Variants in SPPL2A observed in about 807,000 individuals in gnomAD.
The protein encoded by SPPL2A is signal peptide peptidase like 2A, also known as signal peptide peptidase-like 2A.
In SPPL2A, 51 loss-of-function variants were observed where a neutral mutation model predicts 63.8. The observed-to-expected ratio is 0.80, with a 90% CI of 0.64 to 1.01. The LOEUF is 1.01. Ranked by LOEUF, SPPL2A falls within the 50% of genes least tolerant of loss-of-function variation. SPPL2A has a pLI of 0.00. For synonymous variants in SPPL2A, 188 were observed against 205.8 expected, an observed-to-expected ratio of 0.91 and a Z score of 0.74; for missense variants, 553 against 622.7, an observed-to-expected ratio of 0.89 and a Z score of 1.19.
intron 5 of SPPL2A, among the ~76,000 whole-genome samples, chr15:50,740,646 T>G (rs1338903711): frequency 6.6e-6 from 1 of 152,084 alleles, no homozygotes; most frequent in East Asian, 1.9e-4. Flanking sequence ...AGTCTTGCTC[T>G]GTTGCCGAGG....
In SPPL2A at chr15:50,736,659, G is replaced by T; in HGVS notation, c.815C>A (p.Pro272Gln). 1 of 1,579,474 alleles carries T rather than the reference G, an allele frequency of 6.3e-7. No individual in the cohort carries two copies. Among genetic ancestry groups the T allele is most frequent in the Non-Finnish European group, 8.7e-7 (1 of 1,149,824 alleles). The change falls in exon 7 of 15, where the codon CCA (proline) becomes CAA (glutamine). Residue 272 changes from proline to glutamine, a missense_variant. By Grantham distance (76) the Pro-to-Gln change is moderately conservative (BLOSUM62 -1). Coordinates refer to ENST00000261854, the MANE Select transcript of SPPL2A (RefSeq NM_032802.4). ...AGATACGTACGTGCATTGTCCATAT[G>T]GTATCTTATGAATTAGTGCAGCAAG... ...NCLAALIHKI[P>Q]YGQCTIACRG...
intron 1 of SPPL2A, among the ~76,000 whole-genome samples, chr15:50,754,604 T>G (rs547468399): frequency 6.6e-6 from 1 of 152,176 alleles, no homozygotes; most frequent in Non-Finnish European, 1.5e-5. Flanking sequence ...ATAGTCTTAC[T>G]GGGGAGATTA....
intron 1 of SPPL2A, among the ~76,000 whole-genome samples, chr15:50,755,567 G>T (rs1567167273): frequency 7.0e-6 from 1 of 142,470 alleles, no homozygotes; most frequent in Non-Finnish European, 1.5e-5. Flanking sequence ...GCTGCAGGGA[G>T]CCATGACCAT....
At chr15:50,726,412 T>C in intron 10 of SPPL2A, 35 bp from the exon 11 acceptor site, 2 of 1,586,146 alleles carry the variant, frequency 1.3e-6, no homozygotes, top group Non-Finnish European at 8.7e-7. Context: ...TGTCTAATCA[T>C]TTAAAGAGAA....
At chr15:50,708,641 G>C (rs1596372779) in intron 14 of SPPL2A, among the ~76,000 whole-genome samples, 1 of 151,342 alleles carries the variant, frequency 6.6e-6, no homozygotes, top group Non-Finnish European at 1.5e-5. Flanking sequence ...AGGAGGCGGA[G>C]GTTGCAGTGA....
intron 1 of SPPL2A, among the ~76,000 whole-genome samples, chr15:50,760,462 T>A (rs1239447208): frequency 2.6e-5 from 4 of 152,102 alleles, no homozygotes; most frequent in African/African-American, 9.7e-5. Flanking sequence ...GGTTTCATCA[T>A]GTTGGCCAGG....
At position 50,705,703 on chromosome 15, in the gene SPPL2A, T is replaced by C. The variant is rs1011050740; in HGVS notation, c.*2097A>G. On this transcript the variant is annotated 3_prime_UTR_variant, in exon 15 of 15. Coordinates refer to ENST00000261854, the MANE Select transcript of SPPL2A (RefSeq NM_032802.4). ...GAGAGGGACTGACTGTCAATGAAGC[T>C]TCTCTATTTGCAATTTATTCAGCAA... The C allele has an allele frequency of 4.6e-5, 7 of 152,212 alleles. No homozygotes were observed. The highest frequency in any genetic ancestry group is 8.8e-5 in the Non-Finnish European group (6 of 68,040). 9.4% of individuals were successfully genotyped at this position (152,212 alleles called of 1,614,324 possible).
chr15:50,720,925 A>G (rs1281799954), intron 13 of SPPL2A, among the ~76,000 whole-genome samples: 1 of 152,200 alleles, frequency 6.6e-6, no homozygotes, highest in Non-Finnish European at 1.5e-5. Context: ...GAGGCAATGG[A>G]GGAACAGGGA....
intron 14 of SPPL2A, among the ~76,000 whole-genome samples, chr15:50,714,626 C>T (rs1303263274): frequency 4.8e-5 from 6 of 124,622 alleles, no homozygotes; most frequent in Non-Finnish European, 1.0e-4. Flanking sequence ...AGTGAAACTC[C>T]ATCTCAAAAA....
intron 1 of SPPL2A, among the ~76,000 whole-genome samples, chr15:50,752,233 T>A (rs1424968141): frequency 6.6e-6 from 1 of 152,098 alleles, no homozygotes; most frequent in African/African-American, 2.4e-5. Flanking sequence ...ATAATTACGA[T>A]GGTTTGTCTG....
At chr15:50,740,015 A>G (rs2062806174) in intron 5 of SPPL2A, among the ~76,000 whole-genome samples, 187 bp from the exon 6 acceptor site, 1 of 152,138 alleles carries the variant, frequency 6.6e-6, no homozygotes, top group Non-Finnish European at 1.5e-5. Context: ...TAAAAACTGT[A>G]CCCTACAAAG....
intron 14 of SPPL2A, among the ~76,000 whole-genome samples, chr15:50,719,076 G>T (rs1165414034): frequency 6.6e-6 from 1 of 151,418 alleles, no homozygotes; most frequent in Non-Finnish European, 1.5e-5. Context: ...ACATTTAGGG[G>T]GAAAAAAAAG....
intron 8 of SPPL2A, among the ~76,000 whole-genome samples, chr15:50,734,246 G>C (rs184045393): frequency 1.3e-5 from 2 of 152,144 alleles, no homozygotes; most frequent in East Asian, 3.9e-4. Flanking sequence ...ATCAACCTAA[G>C]TGTCCACCAG....
At position 50,749,406 on chromosome 15, in the gene SPPL2A, G is replaced by C. The variant is rs1183792870; in HGVS notation, c.177+230C>G. Reference sequence around the variant, plus strand: ...GGGTTCACACAATTCTCCTGCCTCAGCCTCCTGAGTAGCTGGGACTACAGG... The same window carrying C: ...GGGTTCACACAATTCTCCTGCCTCACCCTCCTGAGTAGCTGGGACTACAGG... On this transcript the variant is annotated intron_variant, in intron 2 of 14. Transcript: ENST00000261854. 1.3e-5 allele frequency among the ~76,000 whole-genome samples: 2 copies of C among 152,090 alleles called. No individual in the cohort carries two copies. The highest frequency in any genetic ancestry group is 2.1e-4 in the South Asian group (1 of 4,838).
At chr15:50,725,791 GA>G (rs945606099) in intron 11 of SPPL2A, 1 of 223,164 alleles carries the variant, frequency 4.5e-6, no homozygotes, top group Admixed American at 5.2e-5. Context: ...CAGTTTAAAG[GA>G]ACTTGAAATA....
At chr15:50,720,154 T>C (rs1596378603) in intron 13 of SPPL2A, 54 bp from the exon 14 acceptor site, 2 of 1,436,374 alleles carry the variant, frequency 1.4e-6, no homozygotes, top group African/African-American at 1.4e-5. Context: ...CAAAGGTGGG[T>C]TTTTTCCTCT....
Position 50,703,522 on chromosome 15 carries a change from C to G in SPPL2A, c.*4278G>C, listed in dbSNP as rs987528127. On this transcript the variant is annotated 3_prime_UTR_variant, in exon 15 of 15. Transcript: ENST00000261854. ...GGGTTACAGGCGAGCCCCACCACACCCAGCTAATTTTTGTATTTTTAGTAG... is the reference window on the plus strand; with the variant it reads ...GGGTTACAGGCGAGCCCCACCACACGCAGCTAATTTTTGTATTTTTAGTAG... The G allele has an allele frequency of 6.6e-6, 1 of 150,928 alleles. No individual in the cohort carries two copies. The highest frequency in any genetic ancestry group is 1.5e-5 in the Non-Finnish European group (1 of 67,850). 9.3% of individuals were successfully genotyped at this position (150,928 alleles called of 1,614,324 possible).
rs541222823 is a variant in SPPL2A, at chr15:50,725,110, C to T, written c.1249+111G>A. On this transcript the variant is annotated intron_variant, in intron 12 of 14. Coordinates refer to ENST00000261854, the MANE Select transcript of SPPL2A (RefSeq NM_032802.4). ...GTTATGACAATCTCAGCTCTAGTGA[C>T]AGCCAGAAATAGTTAATACAGAGTA... 2.0e-5 allele frequency: 15 copies of T among 736,326 alleles called. No individual in the cohort carries two copies. The African/African-American group carries it at 2.4e-4, about 12-fold the overall frequency. The allele number at this position is 736,326 out of a possible 1,614,324, so 45.6% of individuals were successfully genotyped here. A position where few individuals can be genotyped will look rare whatever the true frequency, so the allele number is the denominator to read the frequency against.
At chr15:50,754,077 G>A (rs563464311) in intron 1 of SPPL2A, among the ~76,000 whole-genome samples, 2 of 152,318 alleles carry the variant, frequency 1.3e-5, no homozygotes, top group South Asian at 2.1e-4. Context: ...GATTACAGGC[G>A]TGAGCCACCA....
Sources: allele counts gnomAD v4.1 joint callset (sites outside exome capture counted in the v4.1 genomes callset), GRCh38; gene constraint gnomAD v4.1.1; transcripts MANE v1.5; gene names NCBI Gene and HGNC (gene_info 2026-07-23, HGNC 2026-07-21).